The following PARD3 variants were observed in gnomAD, a reference collection of about 807,000 sequenced individuals.
The protein encoded by PARD3 is partitioning defective 3 homolog.
Under a neutral mutation model 155.4 loss-of-function variants are expected in PARD3, and 75 were observed. That is an observed-to-expected ratio of 0.48 (90% CI 0.40 to 0.58). The LOEUF (loss-of-function observed/expected upper bound fraction) is 0.58, where lower values mean the gene tolerates loss of function less well. Among genes scored for constraint, PARD3 ranks in the 20% least tolerant of loss-of-function variants. The pLI is 0.00. For missense variants in PARD3, 1,642 were observed against 1,721.7 expected, an observed-to-expected ratio of 0.95 and a Z score of 0.82; for synonymous variants, 576 against 610.5, an observed-to-expected ratio of 0.94 and a Z score of 0.83.
At chr10:34,170,657 A>G (rs758431284) in intron 22 of PARD3, among the ~76,000 whole-genome samples, 56 of 152,204 alleles carry the variant, frequency 3.7e-4, no homozygotes, top group Non-Finnish European at 7.3e-5. Context: ...AGAAGGAAAG[A>G]GGCAGCTGAT....
At chr10:34,232,690 A>T (rs975011666) in intron 22 of PARD3, among the ~76,000 whole-genome samples, 1 of 152,072 alleles carries the variant, frequency 6.6e-6, no homozygotes, top group Admixed American at 6.5e-5. Context: ...CCTGGCAGGT[A>T]TAGTCAAATG....
intron 1 of PARD3, among the ~76,000 whole-genome samples, chr10:34,710,676 C>T (rs141750251): frequency 3.2e-4 from 49 of 152,330 alleles, no homozygotes; most frequent in Non-Finnish European, 6.0e-4. Context: ...CGTTGCCTCA[C>T]CGTATTTCGA....
chr10:34,413,680 T>C (rs1400472485), intron 5 of PARD3, among the ~76,000 whole-genome samples: 3 of 152,156 alleles, frequency 2.0e-5, no homozygotes, highest in Non-Finnish European at 4.4e-5. Context: ...GGAAACCCAC[T>C]CCTTACGTGG....
At chr10:34,322,608 G>T (rs2134169867) in intron 19 of PARD3, among the ~76,000 whole-genome samples, 1 of 152,168 alleles carries the variant, frequency 6.6e-6, no homozygotes, top group African/African-American at 2.4e-5. Flanking sequence ...AATTTGTTTA[G>T]ATTTGCTACT....
chr10:34,525,731 A>C (rs2133742553), intron 2 of PARD3, among the ~76,000 whole-genome samples: 1 of 152,330 alleles, frequency 6.6e-6, no homozygotes, highest in Non-Finnish European at 1.5e-5. Context: ...AAAGAAAAAA[A>C]AAAGATTTTT....
intron 12 of PARD3, among the ~76,000 whole-genome samples, chr10:34,364,752 T>C (rs560838575): frequency 6.6e-6 from 1 of 152,154 alleles, no homozygotes; most frequent in Non-Finnish European, 1.5e-5. Context: ...AGCAAATAGC[T>C]AGTAAATTAA....
At chr10:34,139,836 T>C (rs1010205221) in intron 22 of PARD3, among the ~76,000 whole-genome samples, 1 of 152,204 alleles carries the variant, frequency 6.6e-6, no homozygotes, top group East Asian at 1.9e-4. Flanking sequence ...GGGGGATAAA[T>C]GTCACTGAAC....
At chr10:34,483,100 G>C (rs977573648) in intron 3 of PARD3, among the ~76,000 whole-genome samples, 1 of 152,238 alleles carries the variant, frequency 6.6e-6, no homozygotes, top group East Asian at 1.9e-4. Flanking sequence ...AGGTTTCGGT[G>C]AGCCAAGATC....
chr10:34,188,017 T>C (rs987797352), intron 22 of PARD3, among the ~76,000 whole-genome samples: 2 of 152,178 alleles, frequency 1.3e-5, no homozygotes, highest in Non-Finnish European at 2.9e-5. Flanking sequence ...CACTCGCCAA[T>C]TGATTTTCCT....
chr10:34,399,453 T>C (rs1843670124), intron 6 of PARD3, 40 bp from the exon 7 acceptor site: 44 of 1,368,572 alleles, frequency 3.2e-5, no homozygotes, highest in Non-Finnish European at 4.5e-5. Flanking sequence ...GAACGTGTAC[T>C]GTAAACAAAC....
In PARD3 at chr10:34,793,811, CAT is replaced by C. The variant is rs1588779724; in HGVS notation, c.120+21063_120+21064del. 2.0e-5 allele frequency among the ~76,000 whole-genome samples: 3 copies of C among 151,568 alleles called. No homozygotes were observed. The East Asian group carries it at 5.8e-4, about 29-fold the overall frequency. ...AAAAAAAAATTTTACTCTGGGGAAA[CAT>C]GAAGGGTGGATCACTTCACATAAGA... On this transcript the variant is annotated intron_variant, in intron 1 of 24. Coordinates refer to ENST00000374788, the MANE Select transcript of PARD3 (RefSeq NM_001184785.2).
chr10:34,305,481 T>C (rs569187500), intron 20 of PARD3, among the ~76,000 whole-genome samples: 170 of 152,350 alleles, frequency 1.1e-3, no homozygotes, highest in Non-Finnish European at 1.9e-3. Flanking sequence ...TTGACTTCTT[T>C]AGAAACAGAA....
chr10:34,301,973 G>A (rs998108858), intron 20 of PARD3, among the ~76,000 whole-genome samples: 2 of 152,004 alleles, frequency 1.3e-5, no homozygotes, highest in Non-Finnish European at 2.9e-5. Context: ...CATCACTCTG[G>A]TCTAGCCCTT....
At chr10:34,450,293 A>G in intron 5 of PARD3, 24 bp downstream of exon 5, 1 of 1,605,510 alleles carries the variant, frequency 6.2e-7, no homozygotes, top group Non-Finnish European at 8.5e-7. Flanking sequence ...GCAATGACGC[A>G]CATATAAGGA....
intron 22 of PARD3, among the ~76,000 whole-genome samples, chr10:34,260,487 G>A (rs758278525): frequency 3.9e-5 from 6 of 152,222 alleles, no homozygotes; most frequent in African/African-American, 9.6e-5. Context: ...AAGTGGCCCA[G>A]GCACAGATGT....
intron 22 of PARD3, among the ~76,000 whole-genome samples, chr10:34,234,178 G>A (rs569672592): frequency 2.6e-5 from 4 of 152,156 alleles, no homozygotes; most frequent in African/African-American, 9.7e-5. Flanking sequence ...ATCAATTTCT[G>A]ATATAACTAC....
At chr10:34,615,554 G>T (rs1489158559) in intron 2 of PARD3, among the ~76,000 whole-genome samples, 1 of 152,116 alleles carries the variant, frequency 6.6e-6, no homozygotes, top group Non-Finnish European at 1.5e-5. Flanking sequence ...TCTGGGCAAA[G>T]ATTTTATGGC....
chr10:34,229,212 A>T (rs1009388220), intron 22 of PARD3, among the ~76,000 whole-genome samples: 7 of 151,566 alleles, frequency 4.6e-5, no homozygotes, highest in African/African-American at 1.5e-4. Context: ...AGCTTAAAAA[A>T]TTTTCCTCCT....
At chr10:34,607,327 C>G (rs959691174) in intron 2 of PARD3, among the ~76,000 whole-genome samples, 1 of 152,166 alleles carries the variant, frequency 6.6e-6, no homozygotes, top group African/African-American at 2.4e-5. Flanking sequence ...TGCAGTATTT[C>G]ACAGACATAT....
Sources: allele counts gnomAD v4.1 joint callset (sites outside exome capture counted in the v4.1 genomes callset), GRCh38; gene constraint gnomAD v4.1.1; transcripts MANE v1.5; gene names NCBI Gene and HGNC (gene_info 2026-07-23, HGNC 2026-07-21).